KIF26B: variants seen among roughly 807,000 people sequenced by gnomAD.
KIF26B encodes kinesin family member 26B.
A neutral mutation model predicts 151.2 loss-of-function variants in KIF26B; 63 were observed. The ratio of observed to expected loss-of-function variants is 0.42; its 90% CI spans 0.34 to 0.51. KIF26B has a LOEUF of 0.51. Ranked by LOEUF, KIF26B falls within the 20% of genes least tolerant of loss-of-function variation. The pLI is 0.07. For synonymous variants in KIF26B, 1,357 were observed against 1,262.1 expected, an observed-to-expected ratio of 1.08 and a Z score of -1.59; for missense variants, 2,813 against 2,913.6, an observed-to-expected ratio of 0.97 and a Z score of 0.79.
At chr1:245,228,491 G>A (rs1669923320) in intron 2 of KIF26B, among the ~76,000 whole-genome samples, 1 of 151,856 alleles carries the variant, frequency 6.6e-6, no homozygotes, top group Non-Finnish European at 1.5e-5. Context: ...GCTTGAAACT[G>A]GGAGGTGGAG....
chr1:245,239,465 G>C lies in KIF26B; in HGVS notation c.465+82782G>C, dbSNP rs1405851423. Among the ~76,000 whole-genome samples the C allele has an allele frequency of 6.6e-6, 1 of 152,118 alleles. No individual in the cohort carries two copies. The highest frequency in any genetic ancestry group is 1.5e-5 in the Non-Finnish European group (1 of 68,022). On this transcript the variant is annotated intron_variant, in intron 2 of 14. Coordinates refer to ENST00000407071, the MANE Select transcript of KIF26B (RefSeq NM_018012.4). This position sits in a 1 kb window ranked among gnomAD's most constrained non-coding sequence, Gnocchi z 4.3. ...GTGAAGAACACATTTTTGATTCATT[G>C]ACTAGGATTATGGTTAGTAAAATGA...
Position 245,599,973 on chromosome 1 carries a change from C to G in KIF26B, c.1351-2604C>G, listed in dbSNP as rs145446047. 1.1e-4 allele frequency among the ~76,000 whole-genome samples: 16 copies of G among 151,946 alleles called. No individual in the cohort carries two copies. In the East Asian group the frequency reaches 3.1e-3, roughly 30 times the overall value. On this transcript the variant is annotated intron_variant, in intron 5 of 14. Transcript: ENST00000407071. Reference sequence around the variant, plus strand: ...AACTAGCTCTGTCTGTCGGGAATCCCCCACAGTATCCTGCTTGTGATTCAC... The same window carrying G: ...AACTAGCTCTGTCTGTCGGGAATCCGCCACAGTATCCTGCTTGTGATTCAC...
chr1:245,514,468 G>A (rs551953015), intron 4 of KIF26B, among the ~76,000 whole-genome samples: 197 of 152,178 alleles, frequency 1.3e-3, no homozygotes, highest in Admixed American at 2.5e-3. Flanking sequence ...GGAAGAAGTT[G>A]CAGTGAGCCA....
At chr1:245,197,558 G>A (rs1669217824) in intron 2 of KIF26B, among the ~76,000 whole-genome samples, 1 of 152,176 alleles carries the variant, frequency 6.6e-6, no homozygotes. Flanking sequence ...GGCTGTGTAA[G>A]TTATTCATTA....
chr1:245,232,748 C>T (rs1670024456), intron 2 of KIF26B, among the ~76,000 whole-genome samples: 1 of 152,124 alleles, frequency 6.6e-6, no homozygotes, highest in Admixed American at 6.6e-5. Flanking sequence ...CGGGGTTTCT[C>T]CATGTTGGTC....
chr1:245,673,602 T>G (rs1042546434), intron 10 of KIF26B: 3 of 152,300 alleles, frequency 2.0e-5, no homozygotes, highest in Admixed American at 2.0e-4. Context: ...ACTTCTAATG[T>G]CAACCTTGAA....
intron 4 of KIF26B, among the ~76,000 whole-genome samples, chr1:245,458,887 T>A (rs560458824): frequency 3.3e-5 from 5 of 152,350 alleles, no homozygotes; most frequent in African/African-American, 4.8e-5. Flanking sequence ...GGAGAGATGT[T>A]AGCGTCCTTA....
At chr1:245,485,760 T>C (rs1250670111) in intron 4 of KIF26B, among the ~76,000 whole-genome samples, 1 of 152,248 alleles carries the variant, frequency 6.6e-6, no homozygotes. Flanking sequence ...CTGGCGATGC[T>C]GTGTAGCCGT....
chr1:245,402,736 GA>G (rs889995759), intron 3 of KIF26B, among the ~76,000 whole-genome samples: 1 of 152,068 alleles, frequency 6.6e-6, no homozygotes, highest in Non-Finnish European at 1.5e-5. Flanking sequence ...AAAATCAACT[GA>G]AAAAAGGGCA....
At chr1:245,595,215 G>A (rs1372857049) in intron 5 of KIF26B, among the ~76,000 whole-genome samples, 1 of 152,242 alleles carries the variant, frequency 6.6e-6, no homozygotes, top group Non-Finnish European at 1.5e-5. Context: ...TAGGAGTGGT[G>A]AGAGAGGGCA....
intron 4 of KIF26B, among the ~76,000 whole-genome samples, chr1:245,518,417 T>C (rs949525057): frequency 1.3e-5 from 2 of 152,224 alleles, no homozygotes; most frequent in African/African-American, 4.8e-5. Context: ...GGTATTAGTA[T>C]ATCCATTTCT....
At chr1:245,622,845 G>T (rs983925886) in intron 9 of KIF26B, among the ~76,000 whole-genome samples, 9 of 152,090 alleles carry the variant, frequency 5.9e-5, no homozygotes, top group African/African-American at 1.7e-4. Flanking sequence ...CAGCCAAGGA[G>T]TGGGTGATGT....
rs1223874718 is a variant in KIF26B at position 245,686,099 on chromosome 1, A to G, written c.3116A>G (p.Gln1039Arg). The G allele has an allele frequency of 2.5e-6, 4 of 1,607,172 alleles. No homozygotes were observed. The highest frequency in any genetic ancestry group is 1.3e-5 in the African/African-American group (1 of 74,738). ...CAGCACAGCGCCTCCCCACTCGTGC[A>G]GAGCCCCAGCCTCCAGAGCAGCCGG... ...SSQHSASPLV[Q>R]SPSLQSSRES... is the part of the protein sequence containing the mutation. Residue 1039 changes from glutamine to arginine, a missense_variant, in exon 12 of 15, where the codon CAG becomes CGG. Physicochemically the swap from Gln to Arg is conservative, Grantham distance 43. Around this residue, in one of 3 missense-constraint regions of KIF26B, gnomAD observed 2,060 missense variants for 2,088.6 expected, o/e 0.99. Coordinates refer to ENST00000407071, the MANE Select transcript of KIF26B (RefSeq NM_018012.4). The surrounding 1 kb of genome is among the most constrained non-coding windows in gnomAD (Gnocchi z 5.6).
At chr1:245,604,128 C>T (rs1229810648) in intron 6 of KIF26B, among the ~76,000 whole-genome samples, 1 of 152,112 alleles carries the variant, frequency 6.6e-6, no homozygotes, top group Non-Finnish European at 1.5e-5. Context: ...ATGAATAACC[C>T]AGGTTATAGA....
rs147260720 is a variant in KIF26B, at chr1:245,633,670, C to T, written c.2099-12451C>T. On this transcript the variant is annotated intron_variant, in intron 9 of 14. Transcript: ENST00000407071. ...TCCATTTTTTCTTGTTTGGGAAAGA[C>T]TTTACTTTTCATTCATTTTTTAAGG... Among the ~76,000 whole-genome samples the T allele has an allele frequency of 8.1e-4, 123 of 152,020 alleles. 1 individual carries two copies. The highest frequency in any genetic ancestry group is 2.9e-3 in the African/African-American group (120 of 41,464).
At chr1:245,692,289 A>G (rs914541657) in intron 12 of KIF26B, among the ~76,000 whole-genome samples, 4 of 152,128 alleles carry the variant, frequency 2.6e-5, no homozygotes, top group African/African-American at 4.8e-5. Context: ...AATTGGAGAG[A>G]AAGGGTGAAA....
intron 2 of KIF26B, among the ~76,000 whole-genome samples, chr1:245,232,827 G>A (rs1324178353): frequency 6.6e-6 from 1 of 152,172 alleles, no homozygotes; most frequent in East Asian, 1.9e-4. Context: ...TGGGATTAGA[G>A]GCATGAGCCA....
At chr1:245,232,850 G>A (rs1469310730) in intron 2 of KIF26B, among the ~76,000 whole-genome samples, 2 of 152,102 alleles carry the variant, frequency 1.3e-5, no homozygotes, top group Non-Finnish European at 2.9e-5. Flanking sequence ...GCACCCGGCG[G>A]TTTCCTTCCT....
At chr1:245,479,489 T>G (rs1416582808) in intron 4 of KIF26B, among the ~76,000 whole-genome samples, 1 of 151,818 alleles carries the variant, frequency 6.6e-6, no homozygotes, top group Non-Finnish European at 1.5e-5. Context: ...TTGTTGTTGT[T>G]GTTATATTTT....
Sources: allele counts gnomAD v4.1 joint callset (sites outside exome capture counted in the v4.1 genomes callset), GRCh38; gene constraint gnomAD v4.1.1; regional missense constraint gnomAD v4.1.1; non-coding constraint Gnocchi (gnomAD v3.1); transcripts MANE v1.5; gene names NCBI Gene and HGNC (gene_info 2026-07-23, HGNC 2026-07-21).